RSPO2: variants seen among roughly 807,000 people sequenced by gnomAD.
The protein encoded by RSPO2 is R-spondin 2.
A neutral mutation model predicts 30.9 loss-of-function variants in RSPO2; 14 were observed. That is an observed-to-expected ratio of 0.45 (90% CI 0.30 to 0.71). The LOEUF (loss-of-function observed/expected upper bound fraction) is 0.71. Ranked by LOEUF, RSPO2 falls within the 30% of genes least tolerant of loss-of-function variation. RSPO2 has a pLI of 0.08. For missense variants in RSPO2, 264 were observed against 301.9 expected (o/e 0.87, Z 0.93); for synonymous variants, 107 against 96.4 (o/e 1.11, Z -0.64).
At chr8:107,945,390 A>C (rs1213920960) in intron 5 of RSPO2, among the ~76,000 whole-genome samples, 1 of 151,554 alleles carries the variant, frequency 6.6e-6, no homozygotes, top group African/African-American at 2.4e-5. Context: ...CTGAGACTAC[A>C]GGCATCTGCC....
At chr8:108,029,880 A>T (rs1451113810) in intron 2 of RSPO2, among the ~76,000 whole-genome samples, 1 of 152,166 alleles carries the variant, frequency 6.6e-6, no homozygotes, top group Non-Finnish European at 1.5e-5. Flanking sequence ...CTCTTTTAAC[A>T]TTGTCTTAAG....
chr8:107,955,778 T>G (rs1813412021), intron 5 of RSPO2, among the ~76,000 whole-genome samples: 1 of 152,214 alleles, frequency 6.6e-6, no homozygotes, highest in South Asian at 2.1e-4. Flanking sequence ...GATTTTAATG[T>G]GCTGCTGCTT....
At chr8:107,936,294 T>C (rs1204190192) in intron 5 of RSPO2, among the ~76,000 whole-genome samples, 5 of 152,190 alleles carry the variant, frequency 3.3e-5, no homozygotes, top group Admixed American at 3.3e-4. Context: ...TATAGCCAAA[T>C]AGTATTCCAT....
chr8:107,946,113 A>G (rs1451629743), intron 5 of RSPO2, among the ~76,000 whole-genome samples: 4 of 152,236 alleles, frequency 2.6e-5, no homozygotes, highest in Non-Finnish European at 4.4e-5. Context: ...GTGGGTCATT[A>G]TTTAAAGAAC....
chr8:107,963,916 A>G (rs1482186218), intron 3 of RSPO2, among the ~76,000 whole-genome samples: 1 of 152,214 alleles, frequency 6.6e-6, no homozygotes, highest in East Asian at 1.9e-4. Context: ...TGAACCTGCT[A>G]TAACCTTCAA....
At chr8:108,059,784 T>C (rs1812388620) in intron 2 of RSPO2, among the ~76,000 whole-genome samples, 1 of 140,962 alleles carries the variant, frequency 7.1e-6, no homozygotes, top group Non-Finnish European at 1.5e-5. Context: ...TTCTCATTCA[T>C]AGGTGGGAAT....
At chr8:107,980,466 C>A (rs145338770) in intron 3 of RSPO2, among the ~76,000 whole-genome samples, 1 of 152,114 alleles carries the variant, frequency 6.6e-6, no homozygotes, top group Non-Finnish European at 1.5e-5. Context: ...ATATTATAGG[C>A]TTCTAAAATG....
At chr8:108,068,483 G>T (rs1461087208) in intron 2 of RSPO2, among the ~76,000 whole-genome samples, 1 of 152,040 alleles carries the variant, frequency 6.6e-6, no homozygotes, top group African/African-American at 2.4e-5. Flanking sequence ...ATTCCACAGG[G>T]TTGTTATGAA....
In RSPO2 at chr8:107,900,485, T is replaced by TAAATATAC. The variant is rs1811418378; in HGVS notation, c.*582_*589dup. 6.6e-6 allele frequency: 1 copy of TAAATATAC among 152,546 alleles called. No individual in the cohort carries two copies. The allele number at this position is 152,546 out of a possible 1,614,324, so 9.4% of individuals were successfully genotyped here. A position where few individuals can be genotyped will look rare whatever the true frequency, so the allele number is the denominator to read the frequency against. On this transcript the variant is annotated 3_prime_UTR_variant, in exon 6 of 6. Coordinates refer to ENST00000276659, the MANE Select transcript of RSPO2 (RefSeq NM_178565.5). ...ATGACTTGTTACCCACAAGAAAGCATAAATATACAGTAAATAAGAGCTTTA... is the reference window on the plus strand; with the variant it reads ...ATGACTTGTTACCCACAAGAAAGCATAAATATACAAATATACAGTAAATAAGAGCTTTA...
chr8:108,057,055 CAAAAAAAAAAAAAAAAAAAAAAAAAAAA>C (rs56727719), intron 2 of RSPO2, among the ~76,000 whole-genome samples: 2 of 36,070 alleles, frequency 5.5e-5, no homozygotes, highest in Non-Finnish European at 1.0e-4. Flanking sequence ...GACTCTGTCT[CAAAAAAAAAAAAAAAAAAAAAAAAAAAA>C]AAAAAAAAAG....
intron 3 of RSPO2, among the ~76,000 whole-genome samples, chr8:107,978,932 GCTC>G (rs1273330888): frequency 6.6e-6 from 1 of 152,156 alleles, no homozygotes; most frequent in East Asian, 1.9e-4. Flanking sequence ...ATGAAAAAAT[GCTC>G]ATCATCACTG....
intron 2 of RSPO2, among the ~76,000 whole-genome samples, chr8:108,026,369 T>C (rs1469845014): frequency 6.6e-6 from 1 of 152,144 alleles, no homozygotes; most frequent in African/African-American, 2.4e-5. Context: ...AGAGGTGCAA[T>C]TGGCAAAATT....
At chr8:107,910,316 A>G (rs1811783263) in intron 5 of RSPO2, among the ~76,000 whole-genome samples, 1 of 152,226 alleles carries the variant, frequency 6.6e-6, no homozygotes, top group African/African-American at 2.4e-5. Context: ...GATTCAACAC[A>G]ATTTCTATGG....
At chr8:108,015,751 C>T (rs1258087526) in intron 2 of RSPO2, among the ~76,000 whole-genome samples, 1 of 152,086 alleles carries the variant, frequency 6.6e-6, no homozygotes, top group Non-Finnish European at 1.5e-5. Flanking sequence ...TAAATCTCCA[C>T]TTTTCGTTGT....
At chr8:107,955,562 GA>G (rs1395534369) in intron 5 of RSPO2, among the ~76,000 whole-genome samples, 1 of 151,762 alleles carries the variant, frequency 6.6e-6, no homozygotes, top group Admixed American at 6.6e-5. Context: ...GATATTATTT[GA>G]TTTTTTTTAA....
intron 2 of RSPO2, among the ~76,000 whole-genome samples, chr8:108,054,208 A>G (rs1345873099): frequency 1.3e-5 from 2 of 152,150 alleles, no homozygotes; most frequent in African/African-American, 2.4e-5. Flanking sequence ...ACACAGTGCT[A>G]GCTTCTTAGA....
chr8:107,901,888 C>T (rs1371172328), intron 5 of RSPO2, among the ~76,000 whole-genome samples: 1 of 152,090 alleles, frequency 6.6e-6, no homozygotes, highest in East Asian at 1.9e-4. Context: ...TATTTCTCTT[C>T]TTTGCCTTAG....
chr8:107,944,244 C>T (rs1217810422), intron 5 of RSPO2, among the ~76,000 whole-genome samples: 3 of 152,192 alleles, frequency 2.0e-5, no homozygotes, highest in Non-Finnish European at 2.9e-5. Context: ...AAAATTTTCT[C>T]GTAGGACTAA....
At chr8:108,081,429 C>A (rs1268157426) in intron 2 of RSPO2, among the ~76,000 whole-genome samples, 1 of 152,084 alleles carries the variant, frequency 6.6e-6, no homozygotes, top group African/African-American at 2.4e-5. Flanking sequence ...ATTCATGAAC[C>A]CGGCGACAAA....
Sources: gnomAD v4.1 joint callset for allele counts (sites outside exome capture counted in the v4.1 genomes callset) on GRCh38, gnomAD v4.1.1 for gene constraint, MANE v1.5 for transcripts, NCBI Gene and HGNC (gene_info 2026-07-23, HGNC 2026-07-21) for gene names.